Variants in RORA observed in about 807,000 individuals in gnomAD.
The protein encoded by RORA is RAR related orphan receptor A.
RORA carries 7 observed loss-of-function variants against 69.5 expected under a neutral mutation model. The observed-to-expected ratio is 0.10, with a 90% CI of 0.06 to 0.19. The LOEUF (loss-of-function observed/expected upper bound fraction) is 0.19. Among genes scored for constraint, RORA ranks in the 10% least tolerant of loss-of-function variants. RORA has a pLI of 1.00. For missense variants in RORA, 457 were observed against 663.0 expected (o/e 0.69, Z 3.41); for synonymous variants, 261 against 240.8 (o/e 1.08, Z -0.78).
intron 2 of RORA, among the ~76,000 whole-genome samples, chr15:60,596,897 C>T (rs2068678590): frequency 6.6e-6 from 1 of 152,176 alleles, no homozygotes; most frequent in Admixed American, 6.5e-5. Flanking sequence ...CACCCACACA[C>T]ACATACACAT....
chr15:60,935,048 T>A (rs1017695238), intron 1 of RORA, among the ~76,000 whole-genome samples: 6 of 152,346 alleles, frequency 3.9e-5, no homozygotes, highest in African/African-American at 1.4e-4. Context: ...ATTATCCCCA[T>A]TTTAGAAATA....
At chr15:60,634,363 C>T (rs2069796241) in intron 2 of RORA, among the ~76,000 whole-genome samples, 1 of 151,810 alleles carries the variant, frequency 6.6e-6, no homozygotes, top group African/African-American at 2.4e-5. Flanking sequence ...TTGTGTATTC[C>T]AGACATTTGT....
intron 1 of RORA, among the ~76,000 whole-genome samples, chr15:60,704,764 T>C (rs1048572349): frequency 6.6e-6 from 1 of 152,266 alleles, no homozygotes; most frequent in South Asian, 2.1e-4. Flanking sequence ...GCAAGCCTTG[T>C]TGGTTATTGA....
chr15:61,218,753 T>C (rs957540857), intron 1 of RORA, among the ~76,000 whole-genome samples: 1 of 151,478 alleles, frequency 6.6e-6, no homozygotes, highest in Non-Finnish European at 1.5e-5. Context: ...CACACTGCTA[T>C]GAAAGCTGTT....
chr15:60,999,796 A>G (rs1397817958), intron 1 of RORA, among the ~76,000 whole-genome samples: 2 of 152,168 alleles, frequency 1.3e-5, no homozygotes, highest in Non-Finnish European at 2.9e-5. Context: ...CACCAGCTTC[A>G]AAGTTGACCC....
intron 1 of RORA, among the ~76,000 whole-genome samples, chr15:60,713,225 G>A (rs1329863234): frequency 6.6e-6 from 1 of 152,180 alleles, no homozygotes; most frequent in Non-Finnish European, 1.5e-5. Context: ...TTAGTAGGGT[G>A]TCCGGCTAAC....
intron 1 of RORA, among the ~76,000 whole-genome samples, chr15:60,816,713 A>T (rs1198686423): frequency 2.2e-5 from 3 of 136,026 alleles, no homozygotes; most frequent in Non-Finnish European, 4.7e-5. Flanking sequence ...GTGCACATGT[A>T]CCCTAAAACT....
intron 2 of RORA, among the ~76,000 whole-genome samples, chr15:60,588,787 G>A (rs1471299051): frequency 6.6e-6 from 1 of 152,210 alleles, no homozygotes; most frequent in East Asian, 1.9e-4. Context: ...TGACTGGGCA[G>A]CATTAAATAA....
At chr15:60,845,006 A>G (rs2073247232) in intron 1 of RORA, among the ~76,000 whole-genome samples, 1 of 150,910 alleles carries the variant, frequency 6.6e-6, no homozygotes, top group African/African-American at 2.4e-5. Flanking sequence ...CCTTGTTTCA[A>G]AGTGAAGACT....
chr15:60,627,321 C>T (rs199986254), intron 2 of RORA: 17 of 1,614,122 alleles, frequency 1.1e-5, no homozygotes, highest in Admixed American at 3.3e-5. Context: ...TGATTGACCA[C>T]GGCACTCTTG....
chr15:60,579,278 T>C lies in RORA; in HGVS notation c.197-47427A>G, dbSNP rs375004029. ...GGAACTGGTTTTTATCTCTTGGAGC[T>C]TCTGAGAGGGCCTTGGGGCCCCGCA... On this transcript the variant is annotated intron_variant, in intron 2 of 10. Transcript: ENST00000335670. Among the ~76,000 whole-genome samples, 52 of 152,264 alleles carry C rather than the reference T, an allele frequency of 3.4e-4. No individual in the cohort carries two copies. The East Asian group carries it at 8.9e-3, about 26-fold the overall frequency.
intron 1 of RORA, among the ~76,000 whole-genome samples, chr15:61,040,080 A>T (rs1413343677): frequency 5.9e-5 from 8 of 136,344 alleles, no homozygotes; most frequent in African/African-American, 1.9e-4. Flanking sequence ...ATATTACAAG[A>T]ACATAATTCT....
intron 1 of RORA, among the ~76,000 whole-genome samples, chr15:61,009,751 C>G (rs1256200378): frequency 6.6e-6 from 1 of 152,126 alleles, no homozygotes; most frequent in African/African-American, 2.4e-5. Context: ...TATTATTAGT[C>G]CTGACATGAT....
At chr15:60,687,215 G>T (rs1157426275) in intron 1 of RORA, among the ~76,000 whole-genome samples, 3 of 152,144 alleles carry the variant, frequency 2.0e-5, no homozygotes, top group Admixed American at 6.5e-5. Context: ...AAAGCCCTAG[G>T]ATCCAATGGG....
At chr15:60,957,011 A>G (rs1366772379) in intron 1 of RORA, among the ~76,000 whole-genome samples, 1 of 152,226 alleles carries the variant, frequency 6.6e-6, no homozygotes, top group African/African-American at 2.4e-5. Context: ...GTGCTGCTGT[A>G]TAAGTCAGGT....
intron 1 of RORA, among the ~76,000 whole-genome samples, chr15:60,747,542 A>G (rs16943042): frequency 1.4e-3 from 220 of 152,334 alleles, no homozygotes; most frequent in African/African-American, 5.0e-3. Context: ...ACATGCTCCA[A>G]TCACCTGCCA....
At chr15:60,535,612 C>A (rs1229753550) in intron 2 of RORA, among the ~76,000 whole-genome samples, 2 of 152,134 alleles carry the variant, frequency 1.3e-5, no homozygotes, top group Non-Finnish European at 2.9e-5. Context: ...TGGGCACTAG[C>A]ATTCTTAAGA....
At chr15:61,083,944 G>A (rs782907) in intron 1 of RORA, among the ~76,000 whole-genome samples, 62,567 of 151,974 alleles carry the variant, frequency 0.41, 14,203 homozygotes, top group African/African-American at 0.62. Context: ...CCACTCATGC[G>A]CAGAAAGCTC....
intron 2 of RORA, among the ~76,000 whole-genome samples, chr15:60,596,676 A>T (rs1392836988): frequency 1.3e-5 from 2 of 152,210 alleles, no homozygotes; most frequent in Admixed American, 1.3e-4. Context: ...AGAAGCCAAC[A>T]GTAAGACAAG....
Sources: gnomAD v4.1 joint callset for allele counts (sites outside exome capture counted in the v4.1 genomes callset) on GRCh38, gnomAD v4.1.1 for gene constraint, MANE v1.5 for transcripts, NCBI Gene and HGNC (gene_info 2026-07-23, HGNC 2026-07-21) for gene names.